The following OTC variants were observed in gnomAD, a reference collection of about 807,000 sequenced individuals.
OTC encodes ornithine transcarbamylase, mitochondrial.
OTC carries 3 observed loss-of-function variants against 30.3 expected under a neutral mutation model. The observed-to-expected ratio is 0.10, with a 90% confidence interval of 0.05 to 0.26. The LOEUF (loss-of-function observed/expected upper bound fraction) is 0.26, where lower values mean the gene tolerates loss of function less well. Among genes scored for constraint, OTC ranks in the 10% least tolerant of loss-of-function variants. The pLI is 1.00. For synonymous variants in OTC, 111 were observed against 99.7 expected, an observed-to-expected ratio of 1.11 and a Z score of -0.67; for missense variants, 194 against 260.3, an observed-to-expected ratio of 0.75 and a Z score of 1.75.
chrX:38,341,865 A>G, the OTC span, among the ~76,000 whole-genome samples: 1 of 110,437 alleles, frequency 9.1e-6, no homozygotes, highest in Admixed American at 9.7e-5. Flanking sequence ...AAGAAAACAC[A>G]TCATAGGTCT....
downstream of OTC, among the ~76,000 whole-genome samples, chrX:38,421,905 C>G (rs994446925): frequency 9.8e-6 from 1 of 101,902 alleles, no homozygotes; most frequent in Admixed American, 1.1e-4. Flanking sequence ...CTACTACTTG[C>G]AACATTTTAG....
At chrX:38,418,472 G>A (rs1360062042) in intron 9 of OTC, among the ~76,000 whole-genome samples, 7 of 112,073 alleles carry the variant, frequency 6.2e-5, no homozygotes, top group African/African-American at 2.3e-4. Flanking sequence ...CTGTGCAGAA[G>A]CTTTGATGCA....
chrX:38,405,490 A>G (rs1473964724), intron 6 of OTC, among the ~76,000 whole-genome samples: 1 of 110,510 alleles, frequency 9.0e-6, no homozygotes, highest in Admixed American at 9.7e-5. Context: ...TAGGGACACC[A>G]GACATATTAA....
chrX:38,394,880 G>A (rs952450314), intron 4 of OTC, among the ~76,000 whole-genome samples: 2 of 98,189 alleles, frequency 2.0e-5, no homozygotes, highest in South Asian at 8.1e-4. Context: ...TTTTGAAAAA[G>A]GAAAGTAGTT....
chrX:38,344,240 T>TACACACAC, the OTC span, among the ~76,000 whole-genome samples: 1 of 61,715 alleles, frequency 1.6e-5, no homozygotes, highest in African/African-American at 4.6e-5. Flanking sequence ...TATATATATA[T>TACACACAC]ACACACACAC....
chrX:38,401,374 G>A lies in OTC; in HGVS notation c.486G>A (p.Gly162=). 8.3e-7 allele frequency: 1 copy of A among 1,204,685 alleles called. No homozygotes were observed. Among genetic ancestry groups the A allele is most frequent in the Non-Finnish European group, 1.1e-6 (1 of 889,111 alleles). The change falls in exon 5 of 10, where the codon GGG becomes GGA. Residue 162 remains glycine (G), a synonymous_variant. Coordinates refer to ENST00000039007, the MANE Select transcript of OTC (RefSeq NM_000531.6). Reference sequence around the variant, plus strand: ...AAGCATCCATCCCAATTATCAATGGGCTGTCAGATTTGTACCATCCTATCC... The same window carrying A: ...AAGCATCCATCCCAATTATCAATGGACTGTCAGATTTGTACCATCCTATCC... The part of the protein sequence containing the change: ...AKEASIPIIN[G]LSDLYHPIQI...
At chrX:38,378,453 G>A (rs997493652) in intron 3 of OTC, among the ~76,000 whole-genome samples, 6 of 109,420 alleles carry the variant, frequency 5.5e-5, no homozygotes, top group Admixed American at 2.0e-4. Flanking sequence ...GGAAAAAAAA[G>A]ACAAGGCCAT....
At chrX:38,420,951 A>G in intron 9 of OTC, 72 bp from the exon 10 acceptor site, 2 of 777,319 alleles carry the variant, frequency 2.6e-6, no homozygotes, top group Non-Finnish European at 3.9e-6. Context: ...AACCTAATTC[A>G]CCTTCTCTAG....
In OTC at chrX:38,395,202, A is replaced by T. The variant is rs192439200; in HGVS notation, c.387-6073A>T. 3.9e-3 allele frequency among the ~76,000 whole-genome samples: 436 copies of T among 111,170 alleles called. 3 individuals carry two copies. Among genetic ancestry groups the T allele is most frequent in the African/African-American group, 0.013 (408 of 30,614 alleles). Reference sequence around the variant, plus strand: ...TGGCCAGGCTGGTCTCGAACTCCTGACCTTGTGATCTGCCTGCCTCAGACT... The same window carrying T: ...TGGCCAGGCTGGTCTCGAACTCCTGTCCTTGTGATCTGCCTGCCTCAGACT... On this transcript the variant is annotated intron_variant, in intron 4 of 9. Coordinates refer to ENST00000039007, the MANE Select transcript of OTC (RefSeq NM_000531.6).
intron 5 of OTC, among the ~76,000 whole-genome samples, chrX:38,401,742 A>G (rs916142372): frequency 8.9e-6 from 1 of 111,797 alleles, no homozygotes; most frequent in African/African-American, 3.2e-5. Flanking sequence ...GAGCATACAA[A>G]ATGGACAAGC....
rs1271632167 is a variant in OTC, at chrX:38,401,328, A to T, written c.440A>T (p.Asp147Val). 1 of 1,199,161 alleles carries T rather than the reference A, an allele frequency of 8.3e-7. No individual in the cohort carries two copies. The highest frequency in any genetic ancestry group is 1.1e-6 in the Non-Finnish European group (1 of 884,091). ...AVLARVYKQS[D>V]LDTLAKEASI... ...TTGGCTCGAGTGTATAAACAATCAGATTTGGACACCCTGGCTAAAGAAGCA... is the reference window on the plus strand; with the variant it reads ...TTGGCTCGAGTGTATAAACAATCAGTTTTGGACACCCTGGCTAAAGAAGCA... The change falls in exon 5 of 10, where the codon GAT becomes GTT. Residue 147 changes from aspartate to valine, a missense_variant. By Grantham distance (152) the Asp-to-Val change is radical (BLOSUM62 -3). Transcript: ENST00000039007.
rs1238632931 is a variant in OTC at position 38,401,356 on chromosome X, C to T, written c.468C>T (p.Ser156=). Reference sequence around the variant, plus strand: ...TGGACACCCTGGCTAAAGAAGCATCCATCCCAATTATCAATGGGCTGTCAG... The same window carrying T: ...TGGACACCCTGGCTAAAGAAGCATCTATCCCAATTATCAATGGGCTGTCAG... ...SDLDTLAKEA[S]IPIINGLSDL... Residue 156 remains serine (S), a synonymous_variant, in exon 5 of 10, where the codon TCC becomes TCT. Transcript: ENST00000039007. The T allele has an allele frequency of 6.7e-6, 8 of 1,197,247 alleles. No homozygotes were observed. In the South Asian group the frequency reaches 1.4e-4, roughly 21 times the overall value.
the OTC span, among the ~76,000 whole-genome samples, chrX:38,327,967 T>C: frequency 1.8e-5 from 2 of 112,739 alleles, no homozygotes; most frequent in Non-Finnish European, 3.8e-5. Flanking sequence ...AAATGAGTAC[T>C]ATTACAACCC....
chrX:38,329,862 T>C, the OTC span, among the ~76,000 whole-genome samples: 3 of 111,519 alleles, frequency 2.7e-5, no homozygotes, highest in Admixed American at 1.9e-4. Context: ...GTGGGAAACC[T>C]CTAGAGGGTA....
At chrX:38,375,955 C>G (rs141403772) in intron 3 of OTC, among the ~76,000 whole-genome samples, 1 of 111,580 alleles carries the variant, frequency 9.0e-6, no homozygotes, top group South Asian at 3.7e-4. Context: ...TGAGAAGGAG[C>G]AACTACCAAG....
intron 3 of OTC, among the ~76,000 whole-genome samples, chrX:38,374,669 G>A (rs1457760900): frequency 5.4e-5 from 6 of 111,290 alleles, no homozygotes; most frequent in Non-Finnish European, 1.9e-5. Flanking sequence ...TTAATCCTGA[G>A]TTGCTATAGC....
At chrX:38,408,642 A>AC in intron 6 of OTC, 100 bp from the exon 7 acceptor site, 1 of 570,354 alleles carries the variant, frequency 1.8e-6, no homozygotes, top group East Asian at 3.6e-5. Context: ...ACATCTTGAA[A>AC]AAGGGAAGGA....
chrX:38,340,067 G>C, the OTC span, among the ~76,000 whole-genome samples: 1 of 112,327 alleles, frequency 8.9e-6, no homozygotes, highest in Non-Finnish European at 1.9e-5. Flanking sequence ...TCAAAGGGCA[G>C]TGTTGGGATG....
chrX:38,410,076 A>G, intron 8 of OTC, among the ~76,000 whole-genome samples: 1 of 111,678 alleles, frequency 9.0e-6, no homozygotes, highest in East Asian at 2.8e-4. Flanking sequence ...TTTCCACTTA[A>G]CAAATCTTAG....
Sources: gnomAD v4.1 joint callset for allele counts (sites outside exome capture counted in the v4.1 genomes callset) on GRCh38, gnomAD v4.1.1 for gene constraint, MANE v1.5 for transcripts, NCBI Gene and HGNC (gene_info 2026-07-23, HGNC 2026-07-21) for gene names.